SPECC1L: variants seen among roughly 807,000 people sequenced by gnomAD.
SPECC1L encodes the protein sperm antigen with calponin homology and coiled-coil domains 1 like, also known as cytospin-A.
In SPECC1L, 40 loss-of-function variants were observed where a neutral mutation model predicts 116.8. The ratio of observed to expected loss-of-function variants is 0.34; its 90% CI spans 0.27 to 0.45. The LOEUF (loss-of-function observed/expected upper bound fraction) is 0.45, where lower values mean the gene tolerates loss of function less well. Among genes scored for constraint, SPECC1L ranks in the 20% least tolerant of loss-of-function variants. The pLI, the probability that SPECC1L is intolerant of heterozygous loss-of-function variation, is 1.00. For missense variants in SPECC1L, 1,110 were observed against 1,373.6 expected, an observed-to-expected ratio of 0.81 and a Z score of 3.03; for synonymous variants, 504 against 500.6, an observed-to-expected ratio of 1.01 and a Z score of -0.09.
At chr22:24,358,136 G>T (rs570929101) in intron 11 of SPECC1L, among the ~76,000 whole-genome samples, 9 of 145,778 alleles carry the variant, frequency 6.2e-5, no homozygotes, top group African/African-American at 2.3e-4. Context: ...TTTTTTTGAG[G>T]CAGAGTCTCA....
intron 12 of SPECC1L, among the ~76,000 whole-genome samples, chr22:24,364,097 A>G (rs1400152261): frequency 6.6e-6 from 1 of 152,144 alleles, no homozygotes; most frequent in African/African-American, 2.4e-5. Context: ...TTTGTCGACT[A>G]TGTGACTTGT....
At chr22:24,380,117 C>T (rs2042038476) in intron 14 of SPECC1L, among the ~76,000 whole-genome samples, 1 of 152,218 alleles carries the variant, frequency 6.6e-6, no homozygotes, top group South Asian at 2.1e-4. Flanking sequence ...GTGACCCACC[C>T]TCCTCAGCCT....
chr22:24,321,701 T>C lies in SPECC1L; in HGVS notation c.721T>C (p.Ser241Pro), dbSNP rs200583243. The C allele has an allele frequency of 6.2e-7, 1 of 1,613,970 alleles. No individual in the cohort carries two copies. Among genetic ancestry groups the C allele is most frequent in the Non-Finnish European group, 8.5e-7 (1 of 1,179,998 alleles). ...IMAHQPTDVE[S>P]TLLQLQEQNT... ...GGCTCACCAGCCGACTGATGTGGAGTCCACTTTATTGCAGTTGCAGGAACA... is the reference window on the plus strand; with the variant it reads ...GGCTCACCAGCCGACTGATGTGGAGCCCACTTTATTGCAGTTGCAGGAACA... Residue 241 changes from serine (S) to proline (P), a missense_variant, in exon 5 of 17, where the codon TCC becomes CCC. Ser to Pro is a moderately conservative substitution (Grantham distance 74). Around this residue, in one of 4 missense-constraint regions of SPECC1L, gnomAD observed 437 missense variants for 482.6 expected, o/e 0.91. Transcript: ENST00000314328.
chr22:24,391,711 CTGT>C lies in SPECC1L; in HGVS notation c.3088-19872_3088-19870del, dbSNP rs113914587. On this transcript the variant is annotated intron_variant, in intron 14 of 16. Transcript: ENST00000314328. ...AGCAACAGCAGTAGCTTGGATGTAC[CTGT>C]TGTTACTTCACCAACTAGATGGGCT... Among the ~76,000 whole-genome samples the C allele has an allele frequency of 7.2e-5, 11 of 152,314 alleles. 1 individual carries two copies. Among genetic ancestry groups the C allele is most frequent in the African/African-American group, 2.2e-4 (9 of 41,544 alleles).
chr22:24,406,970 C>A (rs1279561356), intron 14 of SPECC1L, among the ~76,000 whole-genome samples: 3 of 152,190 alleles, frequency 2.0e-5, no homozygotes, highest in Non-Finnish European at 4.4e-5. Flanking sequence ...CTGGAGGAAC[C>A]CCTTTTTCAG....
intron 11 of SPECC1L, 81 bp downstream of exon 11, chr22:24,347,257 C>G: frequency 9.5e-7 from 1 of 1,049,896 alleles, no homozygotes; most frequent in Non-Finnish European, 1.5e-6. Context: ...TAAATATTTT[C>G]TTTGCTCTTG....
intron 16 of SPECC1L, 139 bp downstream of exon 16, chr22:24,412,846 C>T (rs1031762207): frequency 1.6e-5 from 14 of 867,996 alleles, no homozygotes; most frequent in African/African-American, 3.3e-5. Context: ...GCTCTGGGGC[C>T]AAGGGAGGGT....
Position 24,313,483 on chromosome 22 carries a change from G to T in SPECC1L, c.307+17G>T. 1 of 1,613,488 alleles carries T rather than the reference G, an allele frequency of 6.2e-7. No homozygotes were observed. The highest frequency in any genetic ancestry group is 8.5e-7 in the Non-Finnish European group (1 of 1,179,960). ...TTAGCACAGGTAACGGTGACATTCA[G>T]TCTGAGACTTCAACTGCTTTTTTGT... On this transcript the variant is annotated intron_variant, in intron 4 of 16. Coordinates refer to ENST00000314328, the MANE Select transcript of SPECC1L (RefSeq NM_015330.6).
At chr22:24,381,471 T>C (rs1463786718) in intron 14 of SPECC1L, among the ~76,000 whole-genome samples, 2 of 152,188 alleles carry the variant, frequency 1.3e-5, no homozygotes, top group African/African-American at 4.8e-5. Context: ...GAAGAAAAGA[T>C]TGGATATTCC....
At chr22:24,299,518 C>T (rs1048542431) in intron 2 of SPECC1L, among the ~76,000 whole-genome samples, 2 of 152,260 alleles carry the variant, frequency 1.3e-5, no homozygotes, top group East Asian at 3.9e-4. Flanking sequence ...TGCCAGCCTC[C>T]TTGAACAGTC....
intron 3 of SPECC1L, among the ~76,000 whole-genome samples, chr22:24,308,707 T>G (rs2049552674): frequency 1.3e-5 from 2 of 152,360 alleles, no homozygotes; most frequent in South Asian, 4.1e-4. Flanking sequence ...TGGATAGTTC[T>G]TTCCCAAATC....
At position 24,416,775 on chromosome 22, in the gene SPECC1L, A is replaced by C. The variant is rs1476600033; in HGVS notation, c.*2152A>C. 2.0e-5 allele frequency: 3 copies of C among 152,318 alleles called. No individual in the cohort carries two copies. Among genetic ancestry groups the C allele is most frequent in the Admixed American group, 1.3e-4 (2 of 15,290 alleles). 9.4% of individuals were successfully genotyped at this position (152,318 alleles called of 1,614,324 possible). A position where few individuals can be genotyped will look rare whatever the true frequency, so the allele number is the denominator to read the frequency against. On this transcript the variant is annotated 3_prime_UTR_variant, in exon 17 of 17. Coordinates refer to ENST00000314328, the MANE Select transcript of SPECC1L (RefSeq NM_015330.6). ...ATCTTCTGGAGGAAGGTGGCCATGG[A>C]TGGATGGGCTGTATCTGTGTTTTCC...
chr22:24,410,428 C>T (rs1320101974), intron 14 of SPECC1L, among the ~76,000 whole-genome samples: 1 of 152,200 alleles, frequency 6.6e-6, no homozygotes, highest in Non-Finnish European at 1.5e-5. Flanking sequence ...CAGCCCTGCC[C>T]CACTCCTGTG....
chr22:24,280,955 A>T (rs2048931453), intron 2 of SPECC1L, among the ~76,000 whole-genome samples: 1 of 152,152 alleles, frequency 6.6e-6, no homozygotes, highest in South Asian at 2.1e-4. Context: ...TTTGGGCTGA[A>T]AAAAGACAAG....
chr22:24,285,395 T>C (rs907734955), intron 2 of SPECC1L, among the ~76,000 whole-genome samples: 1 of 152,320 alleles, frequency 6.6e-6, no homozygotes, highest in Admixed American at 6.5e-5. Flanking sequence ...TACTTAAAGA[T>C]GAAAGACCGA....
intron 9 of SPECC1L, 40 bp downstream of exon 9, chr22:24,334,613 TG>T (rs1669086049): frequency 6.2e-7 from 1 of 1,605,446 alleles, no homozygotes. Flanking sequence ...TGCATGCGGT[TG>T]TGTTCACTTA....
chr22:24,306,486 T>C (rs1323057478), intron 3 of SPECC1L, among the ~76,000 whole-genome samples: 3 of 152,086 alleles, frequency 2.0e-5, no homozygotes. Flanking sequence ...GCTCAAGCGG[T>C]CTTCAGGCTT....
intron 14 of SPECC1L, among the ~76,000 whole-genome samples, chr22:24,377,294 A>G (rs1010938812): frequency 2.0e-5 from 3 of 152,062 alleles, no homozygotes; most frequent in African/African-American, 7.2e-5. Flanking sequence ...GGGGGTTATT[A>G]TAAATGTCAC....
chr22:24,390,875 T>TTTTTTTTTTC (rs2042256364), intron 14 of SPECC1L, among the ~76,000 whole-genome samples: 1 of 84,182 alleles, frequency 1.2e-5, no homozygotes. Context: ...TTCTTTTCTT[T>TTTTTTTTTTC]TTTTTTTTTT....
Sources: allele counts gnomAD v4.1 joint callset (sites outside exome capture counted in the v4.1 genomes callset), GRCh38; gene constraint gnomAD v4.1.1; regional missense constraint gnomAD v4.1.1; transcripts MANE v1.5; gene names NCBI Gene and HGNC (gene_info 2026-07-23, HGNC 2026-07-21).